Variants in PLA2G4C observed in about 807,000 individuals in gnomAD.
The protein encoded by PLA2G4C is cytosolic phospholipase A2 gamma.
A neutral mutation model predicts 73.8 loss-of-function variants in PLA2G4C; 64 were observed. That is an observed-to-expected ratio of 0.87 (90% CI 0.71 to 1.07). The LOEUF (loss-of-function observed/expected upper bound fraction) is 1.07. Ranked by LOEUF, PLA2G4C falls within the 50% of genes least tolerant of loss-of-function variation. PLA2G4C has a pLI of 0.00. For missense variants in PLA2G4C, 622 were observed against 665.4 expected (o/e 0.93, Z 0.72); for synonymous variants, 254 against 252.1 (o/e 1.01, Z -0.07).
intron 8 of PLA2G4C, among the ~76,000 whole-genome samples, chr19:48,089,153 C>T (rs915735763): frequency 4.6e-5 from 7 of 152,060 alleles, no homozygotes; most frequent in East Asian, 1.9e-4. Flanking sequence ...TCAGCCCGGG[C>T]GTGGTGGTTT....
chr19:48,110,470 C>T lies in PLA2G4C; in HGVS notation c.-33+17G>A. 1 of 1,395,460 alleles carries T rather than the reference C, an allele frequency of 7.2e-7. No homozygotes were observed. Among genetic ancestry groups the T allele is most frequent in the Non-Finnish European group, 9.1e-7 (1 of 1,096,486 alleles). The allele number at this position is 1,395,460 out of a possible 1,614,324, so 86.4% of individuals were successfully genotyped here. A position where few individuals can be genotyped will look rare whatever the true frequency, so the allele number is the denominator to read the frequency against. ...CCCCAGCGGGATGAAACAGCCCTCC[C>T]TGCCCCCACGGCTTGCCTGAGCCTG... On this transcript the variant is annotated intron_variant, in intron 1 of 16. Transcript: ENST00000599921.
intron 12 of PLA2G4C, among the ~76,000 whole-genome samples, chr19:48,070,660 A>G (rs572528377): frequency 3.3e-5 from 5 of 152,158 alleles, no homozygotes; most frequent in Admixed American, 3.3e-4. Flanking sequence ...ACCAAACACC[A>G]CATGTTCTCA....
intron 1 of PLA2G4C, among the ~76,000 whole-genome samples, chr19:48,108,557 G>T (rs7247456): frequency 3.2e-4 from 48 of 152,174 alleles, no homozygotes; most frequent in African/African-American, 1.2e-3. Flanking sequence ...GAAGCTAAGG[G>T]ATGGCAGGTC....
chr19:48,055,199 T>G (rs1967891369), intron 14 of PLA2G4C, 150 bp from the exon 15 acceptor site: 1 of 684,194 alleles, frequency 1.5e-6, no homozygotes, highest in Non-Finnish European at 2.5e-6. Flanking sequence ...CAACATCTTC[T>G]GTAAGGGAAA....
intron 14 of PLA2G4C, among the ~76,000 whole-genome samples, chr19:48,058,265 C>T (rs10420351): frequency 1.4e-4 from 21 of 151,626 alleles, no homozygotes. Context: ...TGCCATTGCA[C>T]TCCAGCCCGG....
Position 48,098,045 on chromosome 19 carries a change from G to A in PLA2G4C, c.568+94C>T. 5 of 1,377,334 alleles carry A rather than the reference G, an allele frequency of 3.6e-6. No homozygotes were observed. The South Asian group carries it at 4.1e-5, about 11-fold the overall frequency. The allele number at this position is 1,377,334 out of a possible 1,614,324, so 85.3% of individuals were successfully genotyped here. On this transcript the variant is annotated intron_variant, in intron 6 of 16. Transcript: ENST00000599921. ...ATCCTGAGCCCTTCCCTCTTCCTGG[G>A]CTCCCCAAGGGGAGGGCAGGGAAAC... is the stretch of plus-strand genomic sequence containing the variant.
intron 10 of PLA2G4C, among the ~76,000 whole-genome samples, chr19:48,084,550 C>T (rs1181307949): frequency 6.6e-6 from 1 of 152,156 alleles, no homozygotes; most frequent in Non-Finnish European, 1.5e-5. Context: ...GGCACCAGCT[C>T]CACACACCTG....
chr19:48,084,040 T>TTG (rs71181645), intron 10 of PLA2G4C, among the ~76,000 whole-genome samples: 9,735 of 139,072 alleles, frequency 0.07, 346 homozygotes, highest in South Asian at 0.092. Flanking sequence ...AATGCCAATT[T>TTG]TGTGTGTGTG....
intron 3 of PLA2G4C, among the ~76,000 whole-genome samples, chr19:48,105,082 C>CAAAAAAAAA (rs3083068): frequency 1.4e-4 from 12 of 87,462 alleles, no homozygotes; most frequent in Non-Finnish European, 1.8e-4. Flanking sequence ...GACGTTGTCT[C>CAAAAAAAAA]AAAAAAAAAA....
intron 1 of PLA2G4C, among the ~76,000 whole-genome samples, chr19:48,107,754 C>A (rs374341101): frequency 6.6e-6 from 1 of 152,240 alleles, no homozygotes; most frequent in East Asian, 1.9e-4. Context: ...ACTCCTGTTT[C>A]ACTTTCCTGT....
intron 13 of PLA2G4C, among the ~76,000 whole-genome samples, chr19:48,063,390 C>T (rs567630256): frequency 2.6e-5 from 4 of 152,216 alleles, no homozygotes; most frequent in South Asian, 4.1e-4. Flanking sequence ...CAATCAGATA[C>T]GCATTTATCT....
chr19:48,064,463 A>G (rs1008716182), intron 13 of PLA2G4C, among the ~76,000 whole-genome samples: 1 of 151,542 alleles, frequency 6.6e-6, no homozygotes, highest in African/African-American at 2.4e-5. Context: ...CATAATTACT[A>G]TATTTTACAA....
At chr19:48,079,682 A>G (rs1320411319) in intron 10 of PLA2G4C, among the ~76,000 whole-genome samples, 1 of 152,236 alleles carries the variant, frequency 6.6e-6, no homozygotes, top group Admixed American at 6.5e-5. Context: ...AAAAATAAAC[A>G]TATGGATATA....
intron 1 of PLA2G4C, 198 bp from the exon 2 acceptor site, chr19:48,106,759 A>AGG: frequency 1.8e-6 from 1 of 566,492 alleles, no homozygotes. Flanking sequence ...AGAATGGGAG[A>AGG]AATATTTCAA....
rs745768023 is a variant in PLA2G4C, at chr19:48,085,033, G to A, written c.844+26C>T. 5 of 1,553,072 alleles carry A rather than the reference G, an allele frequency of 3.2e-6. No homozygotes were observed. In the South Asian group the frequency reaches 4.5e-5, roughly 14 times the overall value. On this transcript the variant is annotated intron_variant, in intron 10 of 16. Transcript: ENST00000599921. ...CTTGCATAAAATATCTCTAGGCTTT[G>A]ACCTTTCTGTTCCCCAAATACTCAC...
chr19:48,084,956 A>G, intron 10 of PLA2G4C, 103 bp downstream of exon 10: 1 of 823,478 alleles, frequency 1.2e-6, no homozygotes, highest in South Asian at 1.4e-5. Context: ...TGTTAGAACC[A>G]TTATACACAG....
intron 9 of PLA2G4C, among the ~76,000 whole-genome samples, chr19:48,085,622 T>G (rs765986989): frequency 6.6e-6 from 1 of 152,156 alleles, no homozygotes; most frequent in Non-Finnish European, 1.5e-5. Context: ...TGTGTAGAGA[T>G]TCACACTGTG....
At chr19:48,049,912 G>C (rs1967658694) in intron 16 of PLA2G4C, among the ~76,000 whole-genome samples, 1 of 152,132 alleles carries the variant, frequency 6.6e-6, no homozygotes, top group African/African-American at 2.4e-5. Flanking sequence ...GGTTGTTTAA[G>C]CCACCTGATC....
intron 11 of PLA2G4C, among the ~76,000 whole-genome samples, chr19:48,077,344 C>T (rs2030233733): frequency 6.6e-6 from 1 of 151,770 alleles, no homozygotes. Flanking sequence ...TTTACAACAG[C>T]TGCAAAAAAA....
Sources: allele counts gnomAD v4.1 joint callset (sites outside exome capture counted in the v4.1 genomes callset), GRCh38; gene constraint gnomAD v4.1.1; transcripts MANE v1.5; gene names NCBI Gene and HGNC (gene_info 2026-07-23, HGNC 2026-07-21).